The following POU6F1 variants were observed in gnomAD, a reference collection of about 807,000 sequenced individuals.
The protein encoded by POU6F1 is POU domain, class 6, transcription factor 1.
A neutral mutation model predicts 28.9 loss-of-function variants in POU6F1; 9 were observed. That is an observed-to-expected ratio of 0.31 (90% confidence interval 0.19 to 0.54). The LOEUF is 0.54. Ranked by LOEUF, POU6F1 falls within the 20% of genes least tolerant of loss-of-function variation. POU6F1 has a pLI of 0.94. For synonymous variants in POU6F1, 173 were observed against 171.1 expected (o/e 1.01, Z -0.09); for missense variants, 338 against 426.1 (o/e 0.79, Z 1.82).
intron 9 of POU6F1, 106 bp from the exon 10 acceptor site, chr12:51,191,870 T>G: frequency 3.6e-6 from 5 of 1,387,024 alleles, no homozygotes; most frequent in Non-Finnish European, 5.1e-6. Flanking sequence ...TGAGGACACC[T>G]GGGAAAAGGC....
chr12:51,195,474 G>T (rs552205003), intron 8 of POU6F1, among the ~76,000 whole-genome samples: 1 of 149,922 alleles, frequency 6.7e-6, no homozygotes, highest in African/African-American at 2.5e-5. Flanking sequence ...GGCTAAGAAG[G>T]CATCTTATTC....
intron 2 of POU6F1, 77 bp from the exon 3 acceptor site, chr12:51,204,445 G>C (rs1233065618): frequency 2.5e-6 from 1 of 398,090 alleles, no homozygotes; most frequent in African/African-American, 2.1e-5. Context: ...GGTATGGTTT[G>C]GGGAGAGAGG....
intron 1 of POU6F1, among the ~76,000 whole-genome samples, chr12:51,216,578 A>T (rs574140201): frequency 1.3e-5 from 2 of 152,336 alleles, no homozygotes; most frequent in African/African-American, 4.8e-5. Context: ...CAGGTCACAG[A>T]AGTATCACTT....
intron 1 of POU6F1, among the ~76,000 whole-genome samples, chr12:51,214,163 T>A (rs964821646): frequency 2.0e-5 from 3 of 151,180 alleles, no homozygotes; most frequent in African/African-American, 7.3e-5. Flanking sequence ...TAAATAAAAA[T>A]AAATAAATAA....
intron 1 of POU6F1, among the ~76,000 whole-genome samples, chr12:51,211,021 T>C (rs1943950581): frequency 6.6e-6 from 1 of 152,248 alleles, no homozygotes; most frequent in African/African-American, 2.4e-5. Flanking sequence ...TGTCAGGAAC[T>C]TTCCAAATTT....
chr12:51,194,592 G>T (rs1447235410), intron 8 of POU6F1, among the ~76,000 whole-genome samples: 1 of 149,200 alleles, frequency 6.7e-6, no homozygotes, highest in Non-Finnish European at 1.5e-5. Context: ...GTGAGCCAAG[G>T]TCACATCACT....
At chr12:51,210,270 A>G (rs185639136) in intron 1 of POU6F1, among the ~76,000 whole-genome samples, 2 of 152,352 alleles carry the variant, frequency 1.3e-5, no homozygotes, top group Non-Finnish European at 2.9e-5. Flanking sequence ...GAACTGGGAT[A>G]AGCTATGAAA....
intron 9 of POU6F1, 92 bp downstream of exon 9, chr12:51,192,238 C>A: frequency 6.6e-7 from 1 of 1,509,198 alleles, no homozygotes; most frequent in Non-Finnish European, 9.0e-7. Context: ...CTCTGGACCC[C>A]AGGATATCAA....
rs564167689 is a variant in POU6F1 at position 51,187,046 on chromosome 12, G to C, written c.*3201C>G. 1 of 152,326 alleles carries C rather than the reference G, an allele frequency of 6.6e-6. No individual in the cohort carries two copies. The highest frequency in any genetic ancestry group is 1.9e-4 in the East Asian group (1 of 5,188). 9.4% of individuals were successfully genotyped at this position (152,326 alleles called of 1,614,324 possible). On this transcript the variant is annotated 3_prime_UTR_variant, in exon 11 of 11. Coordinates refer to ENST00000333640, the MANE Select transcript of POU6F1 (RefSeq NM_001330422.2). Reference sequence around the variant, plus strand: ...CCTCAGGAAGCTTTGTCTGTGTTGGGAACAGTGAGAACCTCAGTGCCAGAG... The same window carrying C: ...CCTCAGGAAGCTTTGTCTGTGTTGGCAACAGTGAGAACCTCAGTGCCAGAG...
chr12:51,208,911 T>G (rs1943807328), intron 1 of POU6F1, among the ~76,000 whole-genome samples: 1 of 152,154 alleles, frequency 6.6e-6, no homozygotes, highest in Admixed American at 6.5e-5. Flanking sequence ...CACTCCAGCC[T>G]GGGCAACAGA....
chr12:51,201,505 C>T (rs1592167708), intron 3 of POU6F1, among the ~76,000 whole-genome samples: 2 of 148,788 alleles, frequency 1.3e-5, no homozygotes, highest in South Asian at 2.1e-4. Context: ...AAACAAGATG[C>T]TATCTCTACA....
At chr12:51,198,506 G>T in intron 5 of POU6F1, 44 bp downstream of exon 5, 1 of 398,904 alleles carries the variant, frequency 2.5e-6, no homozygotes, top group Non-Finnish European at 4.4e-6. Flanking sequence ...GGGTGTAGTA[G>T]AGGGTGGGGG....
intron 1 of POU6F1, among the ~76,000 whole-genome samples, chr12:51,216,341 T>C (rs1233547623): frequency 6.6e-6 from 1 of 152,222 alleles, no homozygotes; most frequent in Non-Finnish European, 1.5e-5. Flanking sequence ...TGCCAGCTAG[T>C]ACTTCCAGGA....
chr12:51,191,859 G>A (rs1301050335), intron 9 of POU6F1, 95 bp from the exon 10 acceptor site: 16 of 1,462,174 alleles, frequency 1.1e-5, no homozygotes, highest in Non-Finnish European at 1.3e-5. Flanking sequence ...GTAGTGAGAG[G>A]TGAGGACACC....
Position 51,214,011 on chromosome 12 carries a change from C to T in POU6F1, c.-48+3631G>A, listed in dbSNP as rs143714120. 7.5e-3 allele frequency among the ~76,000 whole-genome samples: 1,142 copies of T among 151,674 alleles called. 17 individuals carry two copies. Among genetic ancestry groups the T allele is most frequent in the East Asian group, 0.061 (309 of 5,060 alleles). On this transcript the variant is annotated intron_variant, in intron 1 of 10. Transcript: ENST00000333640. ...TACAAAACTTAGCTGGGTGTGGTGG[C>T]GGGTGCCTGTAATCTCAGTTACTTG...
chr12:51,197,651 T>G, intron 6 of POU6F1, 119 bp downstream of exon 6: 3 of 382,828 alleles, frequency 7.8e-6, no homozygotes, highest in East Asian at 3.9e-5. Context: ...TCTGCTGATG[T>G]GTTGGAAAAG....
Position 51,192,315 on chromosome 12 carries a change from C to A in POU6F1, c.1321+15G>T. 1 of 1,613,334 alleles carries A rather than the reference C, an allele frequency of 6.2e-7. No homozygotes were observed. Among genetic ancestry groups the A allele is most frequent in the Non-Finnish European group, 8.5e-7 (1 of 1,179,506 alleles). ...CTCCCCACTTCTCCACACTACTTCT[C>A]CAGGAGCCACTTACTGGACACCAAC... is the stretch of plus-strand genomic sequence containing the variant. On this transcript the variant is annotated intron_variant, in intron 9 of 10. Coordinates refer to ENST00000333640, the MANE Select transcript of POU6F1 (RefSeq NM_001330422.2).
intron 1 of POU6F1, among the ~76,000 whole-genome samples, chr12:51,210,569 C>A (rs1943925361): frequency 6.6e-6 from 1 of 152,118 alleles, no homozygotes; most frequent in Admixed American, 6.5e-5. Context: ...TGAGCAGGGG[C>A]AAGCGTCCAC....
At chr12:51,193,259 C>T (rs1942567809) in intron 8 of POU6F1, among the ~76,000 whole-genome samples, 1 of 152,182 alleles carries the variant, frequency 6.6e-6, no homozygotes, top group African/African-American at 2.4e-5. Flanking sequence ...GAAGGTATAC[C>T]TCTTAACTAC....
Sources: allele counts gnomAD v4.1 joint callset (sites outside exome capture counted in the v4.1 genomes callset), GRCh38; gene constraint gnomAD v4.1.1; transcripts MANE v1.5; gene names NCBI Gene and HGNC (gene_info 2026-07-23, HGNC 2026-07-21).